Variants in RPS6KA2 observed in about 807,000 individuals in gnomAD.
RPS6KA2 encodes the protein ribosomal protein S6 kinase A2.
Under a neutral mutation model 91.8 loss-of-function variants are expected in RPS6KA2, and 42 were observed. The ratio of observed to expected loss-of-function variants is 0.46; its 90% confidence interval spans 0.36 to 0.59. The LOEUF (loss-of-function observed/expected upper bound fraction) is 0.59. RPS6KA2 is among the 20% of genes least tolerant of loss of function. The probability of loss-of-function intolerance (pLI) is 0.00; values close to 1 mark genes in which losing one functional copy is unlikely to be tolerated. For synonymous variants in RPS6KA2, 414 were observed against 393.6 expected (o/e 1.05, Z -0.61); for missense variants, 798 against 978.5 (o/e 0.82, Z 2.46).
In RPS6KA2 at chr6:166,814,123, AT is replaced by A. The variant is rs1583146879; in HGVS notation, c.123+44076del. ...AAGATACGTATGGTTTTATGCCTAA[AT>A]TTTTATTGCATTAGGATGATCTCAT... On this transcript the variant is annotated intron_variant, in intron 2 of 21. Coordinates refer to the RPS6KA2 transcript ENST00000503859. Among the ~76,000 whole-genome samples the A allele has an allele frequency of 2.0e-5, 3 of 152,326 alleles. No homozygotes were observed. In the South Asian group the frequency reaches 6.2e-4, roughly 32 times the overall value.
In RPS6KA2 at chr6:166,612,664, C is replaced by G. The variant is rs534246839; in HGVS notation, c.99+14257G>C. On this transcript the variant is annotated intron_variant, in intron 1 of 20. Transcript: ENST00000265678. This position sits in a 1 kb window ranked among gnomAD's most constrained non-coding sequence, Gnocchi z 4.3. ...GCTGTGCTCCATTTATCACTCTGTC[C>G]GGGCGTCTGTTGTTACCCATGCTCG... Among the ~76,000 whole-genome samples the G allele has an allele frequency of 4.1e-4, 63 of 152,214 alleles. No individual in the cohort carries two copies. Among genetic ancestry groups the G allele is most frequent in the Admixed American group, 1.0e-3 (16 of 15,304 alleles).
chr6:166,561,112 C>T (rs189559671), intron 1 of RPS6KA2, among the ~76,000 whole-genome samples: 364 of 152,252 alleles, frequency 2.4e-3, no homozygotes, highest in African/African-American at 8.2e-3. Flanking sequence ...ATCATATAAA[C>T]GACCTTCCTC....
At chr6:166,606,069 C>A (rs371976001) in intron 1 of RPS6KA2, among the ~76,000 whole-genome samples, 1 of 152,172 alleles carries the variant, frequency 6.6e-6, no homozygotes, top group African/African-American at 2.4e-5. Context: ...GGTAGGACTG[C>A]GGGGCTGCAC....
At chr6:166,716,065 G>A (rs2345260) in intron 2 of RPS6KA2, among the ~76,000 whole-genome samples, 27,376 of 78,840 alleles carry the variant, frequency 0.35, 2,163 homozygotes, top group East Asian at 0.46. Flanking sequence ...AAAAAAAGAA[G>A]GAAAGAAAGA....
intron 2 of RPS6KA2, among the ~76,000 whole-genome samples, chr6:166,785,854 G>T (rs6913410): frequency 0.22 from 32,738 of 152,064 alleles, 4,358 homozygotes; most frequent in African/African-American, 0.37. Flanking sequence ...ATAAAGACAA[G>T]GTATTGCCAA....
intron 2 of RPS6KA2, among the ~76,000 whole-genome samples, chr6:166,657,057 G>C (rs1396439519): frequency 6.6e-6 from 1 of 152,086 alleles, no homozygotes; most frequent in Non-Finnish European, 1.5e-5. Context: ...CAGGAAACGG[G>C]AAGAGCCCCA....
At chr6:166,485,214 G>A (rs1200633224) in intron 10 of RPS6KA2, among the ~76,000 whole-genome samples, 3 of 152,204 alleles carry the variant, frequency 2.0e-5, no homozygotes, top group South Asian at 2.1e-4. Flanking sequence ...CTAGGGTCAC[G>A]GAAAAGAACA....
In RPS6KA2 at chr6:166,419,775, C is replaced by T. The variant is rs1469671013; in HGVS notation, c.1820+107G>A. On this transcript the variant is annotated intron_variant, in intron 18 of 20. Transcript: ENST00000265678. The surrounding 1 kb of genome is among the most constrained non-coding windows in gnomAD (Gnocchi z 5.6). ...GTGTTTGCATACACGTTGGGTTTGCCCACATGCGCACACTAGGACAGGGCT... is the reference window on the plus strand; with the variant it reads ...GTGTTTGCATACACGTTGGGTTTGCTCACATGCGCACACTAGGACAGGGCT... 9.2e-6 allele frequency: 9 copies of T among 976,740 alleles called. No individual in the cohort carries two copies. Among genetic ancestry groups the T allele is most frequent in the Non-Finnish European group, 1.5e-5 (9 of 619,924 alleles). The allele number at this position is 976,740 out of a possible 1,614,324, so 60.5% of individuals were successfully genotyped here. A position where few individuals can be genotyped will look rare whatever the true frequency, so the allele number is the denominator to read the frequency against.
chr6:166,694,977 T>G (rs1324786072), intron 2 of RPS6KA2, among the ~76,000 whole-genome samples: 1 of 152,240 alleles, frequency 6.6e-6, no homozygotes, highest in African/African-American at 2.4e-5. Flanking sequence ...AAATAGATAT[T>G]AATCACTTAG....
chr6:166,701,719 T>G, intron 2 of RPS6KA2: 1 of 1,308,924 alleles, frequency 7.6e-7, no homozygotes, highest in South Asian at 1.2e-5. Flanking sequence ...ACCCAAGGCG[T>G]TCAGATTTAA....
rs1780032203 is a variant in RPS6KA2 at position 166,825,602 on chromosome 6, G to A, written c.123+32598C>T. Among the ~76,000 whole-genome samples, 1 of 152,154 alleles carries A rather than the reference G, an allele frequency of 6.6e-6. No individual in the cohort carries two copies. The highest frequency in any genetic ancestry group is 1.5e-5 in the Non-Finnish European group (1 of 68,032). ...GAAATGTAGTGGTCCCAGGTCTGGA[G>A]GCTGGAAGTCCAAGGTCAAGGCACC... On this transcript the variant is annotated intron_variant, in intron 2 of 21. Transcript: ENST00000503859. This position sits in a 1 kb window ranked among gnomAD's most constrained non-coding sequence, Gnocchi z 4.1.
intron 2 of RPS6KA2, among the ~76,000 whole-genome samples, chr6:166,713,592 T>G (rs1789930145): frequency 2.0e-5 from 3 of 152,096 alleles, no homozygotes; most frequent in African/African-American, 4.8e-5. Context: ...AAATAAAGAA[T>G]AGAAATATCC....
At chr6:166,546,874 G>T (rs960538189) in intron 1 of RPS6KA2, among the ~76,000 whole-genome samples, 2 of 152,196 alleles carry the variant, frequency 1.3e-5, no homozygotes, top group Admixed American at 6.5e-5. Context: ...AGGATGTAAA[G>T]AAAACGCACA....
intron 2 of RPS6KA2, among the ~76,000 whole-genome samples, chr6:166,815,699 C>T (rs1779743196): frequency 6.6e-6 from 1 of 152,052 alleles, no homozygotes; most frequent in African/African-American, 2.4e-5. Context: ...TGATATATGT[C>T]AGTGGCAATG....
chr6:166,486,919 G>T (rs560129657), intron 10 of RPS6KA2, among the ~76,000 whole-genome samples: 89 of 152,350 alleles, frequency 5.8e-4, no homozygotes, highest in African/African-American at 2.1e-3. Flanking sequence ...CCCAAAACAA[G>T]AATTAACCGG....
chr6:166,457,017 G>A (rs1780126660), intron 12 of RPS6KA2, among the ~76,000 whole-genome samples: 1 of 152,210 alleles, frequency 6.6e-6, no homozygotes, highest in Non-Finnish European at 1.5e-5. Flanking sequence ...TCACAGATAA[G>A]ATAAAAGGCA....
rs1209990440 is a variant in RPS6KA2, at chr6:166,720,465, C to T, written c.123+137735G>A. 2.6e-5 allele frequency among the ~76,000 whole-genome samples: 4 copies of T among 152,224 alleles called. No homozygotes were observed. The East Asian group carries it at 7.7e-4, about 29-fold the overall frequency. On this transcript the variant is annotated intron_variant, in intron 2 of 21. Transcript: ENST00000503859. ...TCTTTTCCCCAAAGGAACCCAGGAA[C>T]CCAGATGAAAATCCAAGGCTCTCTG...
chr6:166,658,584 G>A (rs540841960), intron 2 of RPS6KA2, among the ~76,000 whole-genome samples: 3 of 152,268 alleles, frequency 2.0e-5, no homozygotes, highest in South Asian at 2.1e-4. Context: ...CTTGATAAAA[G>A]TCATCTTCCA....
intron 2 of RPS6KA2, among the ~76,000 whole-genome samples, chr6:166,729,667 G>A: frequency 6.6e-6 from 1 of 152,228 alleles, no homozygotes; most frequent in Admixed American, 6.5e-5. Context: ...GAAGGTCTAA[G>A]AAAGCAATGT....
Sources: gnomAD v4.1 joint callset for allele counts (sites outside exome capture counted in the v4.1 genomes callset) on GRCh38, gnomAD v4.1.1 for gene constraint, Gnocchi (gnomAD v3.1) non-coding constraint, MANE v1.5 for transcripts, NCBI Gene and HGNC (gene_info 2026-07-23, HGNC 2026-07-21) for gene names.